Variants in CSMD1 observed in about 807,000 individuals in gnomAD.
CSMD1 encodes CUB and sushi domain-containing protein 1.
Under a neutral mutation model 417.5 loss-of-function variants are expected in CSMD1, and 213 were observed. The observed-to-expected ratio is 0.51, with a 90% CI of 0.46 to 0.57. The LOEUF is 0.57. Ranked by LOEUF, CSMD1 falls within the 20% of genes least tolerant of loss-of-function variation. CSMD1 has a pLI of 0.00. For missense variants in CSMD1, 6,923 were observed against 4,529.7 expected (o/e 1.53, Z -15.17); for synonymous variants, 2,862 against 1,736.8 (o/e 1.65, Z -16.11).
chr8:4,007,374 T>G (rs1343278027), intron 4 of CSMD1, among the ~76,000 whole-genome samples: 2 of 152,252 alleles, frequency 1.3e-5, no homozygotes, highest in Non-Finnish European at 2.9e-5. Context: ...CTAGCCACAC[T>G]GCTTCCTGGG....
chr8:4,990,639 A>G (rs1185862449), intron 1 of CSMD1, among the ~76,000 whole-genome samples: 3 of 152,156 alleles, frequency 2.0e-5, no homozygotes, highest in Non-Finnish European at 4.4e-5. Flanking sequence ...GATTACAGGC[A>G]TGAGCCACAG....
At chr8:3,186,813 T>C (rs1219966377) in intron 36 of CSMD1, among the ~76,000 whole-genome samples, 1 of 152,222 alleles carries the variant, frequency 6.6e-6, no homozygotes, top group Non-Finnish European at 1.5e-5. Context: ...TCTGTCATCT[T>C]GGACAATTCT....
intron 51 of CSMD1, among the ~76,000 whole-genome samples, chr8:3,024,865 T>C (rs1026808187): frequency 2.6e-5 from 4 of 150,994 alleles, no homozygotes; most frequent in Non-Finnish European, 4.4e-5. Flanking sequence ...AAAATCCATG[T>C]TGGAGGGAAA....
intron 10 of CSMD1, among the ~76,000 whole-genome samples, chr8:3,495,397 G>A (rs1377607721): frequency 2.0e-5 from 3 of 151,460 alleles, no homozygotes; most frequent in African/African-American, 7.3e-5. Context: ...TGGCTGATTT[G>A]CAATGTGTAC....
intron 1 of CSMD1, among the ~76,000 whole-genome samples, chr8:4,926,631 A>T (rs565222692): frequency 2.4e-4 from 36 of 152,216 alleles, no homozygotes; most frequent in Non-Finnish European, 5.1e-4. Context: ...ATAGTTCCTT[A>T]ATTCTTGATT....
At chr8:3,715,202 T>A (rs1585122307) in intron 6 of CSMD1, among the ~76,000 whole-genome samples, 1 of 152,200 alleles carries the variant, frequency 6.6e-6, no homozygotes, top group East Asian at 1.9e-4. Flanking sequence ...CCTGTATAGT[T>A]AAACACCCTA....
intron 8 of CSMD1, among the ~76,000 whole-genome samples, chr8:3,613,803 C>G (rs1178585332): frequency 6.6e-6 from 1 of 151,342 alleles, no homozygotes; most frequent in Non-Finnish European, 1.5e-5. Flanking sequence ...GAAAAACCAA[C>G]AAGCAATGTC....
At chr8:4,022,312 A>C (rs1796829982) in intron 4 of CSMD1, among the ~76,000 whole-genome samples, 1 of 151,950 alleles carries the variant, frequency 6.6e-6, no homozygotes, top group African/African-American at 2.4e-5. Flanking sequence ...GAGAAGTATT[A>C]TTTAGTGAAC....
At chr8:2,953,134 C>CA (rs1163827959) in intron 65 of CSMD1, among the ~76,000 whole-genome samples, 1 of 151,964 alleles carries the variant, frequency 6.6e-6, no homozygotes, top group African/African-American at 2.4e-5. Flanking sequence ...ACAATAATAA[C>CA]AAAAAGAGGC....
intron 6 of CSMD1, among the ~76,000 whole-genome samples, chr8:3,719,222 T>A (rs1433481757): frequency 1.3e-5 from 2 of 152,072 alleles, no homozygotes; most frequent in Non-Finnish European, 2.9e-5. Context: ...TCAAAAGCCT[T>A]CCAAGGTGTT....
chr8:3,765,404 A>T (rs1413178095), intron 5 of CSMD1, among the ~76,000 whole-genome samples: 1 of 151,978 alleles, frequency 6.6e-6, no homozygotes, highest in Non-Finnish European at 1.5e-5. Flanking sequence ...CCTTTACAGC[A>T]TTTGTTTCAT....
intron 3 of CSMD1, among the ~76,000 whole-genome samples, chr8:4,160,624 T>G (rs1423805669): frequency 6.6e-6 from 1 of 152,230 alleles, no homozygotes; most frequent in Admixed American, 6.5e-5. Context: ...CCCACTTTCT[T>G]GCAGACACTC....
chr8:4,753,908 C>T (rs758402725), intron 1 of CSMD1, among the ~76,000 whole-genome samples: 9 of 152,148 alleles, frequency 5.9e-5, no homozygotes, highest in Non-Finnish European at 1.3e-4. Flanking sequence ...TTTTCCTGTT[C>T]ATCTGTTACC....
At chr8:3,920,760 G>A (rs1809190417) in intron 5 of CSMD1, among the ~76,000 whole-genome samples, 1 of 131,822 alleles carries the variant, frequency 7.6e-6, no homozygotes, top group Non-Finnish European at 1.7e-5. Flanking sequence ...TTTTGTTAGT[G>A]GGGTATATCC....
At chr8:4,504,100 G>C (rs1802400280) in intron 2 of CSMD1, among the ~76,000 whole-genome samples, 1 of 152,116 alleles carries the variant, frequency 6.6e-6, no homozygotes. Flanking sequence ...CTGATTGATG[G>C]ATAAAGAAAA....
chr8:4,867,668 A>G (rs1802496787), intron 1 of CSMD1, among the ~76,000 whole-genome samples: 1 of 152,134 alleles, frequency 6.6e-6, no homozygotes, highest in South Asian at 2.1e-4. Context: ...GATGGTGCTG[A>G]GAAAAGTTAT....
intron 2 of CSMD1, among the ~76,000 whole-genome samples, chr8:4,449,225 A>T (rs1363282885): frequency 6.6e-6 from 1 of 152,214 alleles, no homozygotes; most frequent in African/African-American, 2.4e-5. Flanking sequence ...TCTCAGAATA[A>T]TTACACTGTC....
intron 5 of CSMD1, among the ~76,000 whole-genome samples, chr8:3,758,633 G>A (rs1302217785): frequency 1.3e-5 from 2 of 152,276 alleles, no homozygotes; most frequent in South Asian, 2.1e-4. Flanking sequence ...GTGAAATTGT[G>A]AACTCTCTAA....
chr8:4,374,964 G>GTGGA (rs57235252), intron 3 of CSMD1, among the ~76,000 whole-genome samples: 1 of 74,602 alleles, frequency 1.3e-5, no homozygotes, highest in African/African-American at 4.2e-5. Context: ...GGTGGGGTGG[G>GTGGA]GGGGGGGGGC....
Sources: gnomAD v4.1 joint callset for allele counts (sites outside exome capture counted in the v4.1 genomes callset) on GRCh38, gnomAD v4.1.1 for gene constraint, MANE v1.5 for transcripts, NCBI Gene and HGNC (gene_info 2026-07-23, HGNC 2026-07-21) for gene names.